PPHLN1: variants seen among roughly 807,000 people sequenced by gnomAD.
PPHLN1 encodes the protein periphilin-1.
A neutral mutation model predicts 51.3 loss-of-function variants in PPHLN1; 29 were observed. That is an observed-to-expected ratio of 0.57 (90% CI 0.42 to 0.77). The LOEUF is 0.77. Among genes scored for constraint, PPHLN1 ranks in the 30% least tolerant of loss-of-function variants. The pLI is 0.00. For synonymous variants in PPHLN1, 147 were observed against 147.8 expected, an observed-to-expected ratio of 0.99 and a Z score of 0.04; for missense variants, 436 against 438.4, an observed-to-expected ratio of 0.99 and a Z score of 0.05.
downstream of PPHLN1, chr12:42,446,509 C>G: frequency 6.5e-7 from 1 of 1,529,242 alleles, no homozygotes; most frequent in Non-Finnish European, 8.9e-7. Context: ...AGAAAGACCC[C>G]CACTCCTGGG....
At chr12:42,442,736 CAGTCAGTAAGT>C (rs1172002666), downstream of PPHLN1, 1 of 1,613,418 alleles carries the variant, frequency 6.2e-7, no homozygotes, top group East Asian at 2.2e-5. Context: ...AGAGACTGCG[CAGTCAGTAAGT>C]CATTGGTGCC....
chr12:42,351,747 A>C, intron 2 of PPHLN1, 138 bp from the exon 3 acceptor site: 1 of 578,018 alleles, frequency 1.7e-6, no homozygotes, highest in Non-Finnish European at 2.7e-6. Context: ...AGTTATATTT[A>C]TGTTATTTCA....
At chr12:42,425,161 A>G (rs1291106767) in intron 9 of PPHLN1, among the ~76,000 whole-genome samples, 1 of 149,938 alleles carries the variant, frequency 6.7e-6, no homozygotes, top group Non-Finnish European at 1.5e-5. Context: ...GCTCACTGCA[A>G]CCTCCCCCTC....
intron 8 of PPHLN1, 61 bp downstream of exon 8, chr12:42,393,750 T>A: frequency 6.7e-7 from 1 of 1,483,818 alleles, no homozygotes; most frequent in Non-Finnish European, 9.0e-7. Flanking sequence ...TTTTAAATTA[T>A]GGGCGAAAAA....
At chr12:42,386,036 G>A (rs922684327) in intron 6 of PPHLN1, among the ~76,000 whole-genome samples, 1 of 152,218 alleles carries the variant, frequency 6.6e-6, no homozygotes, top group African/African-American at 2.4e-5. Context: ...TAGGGTGAAA[G>A]CCTCTTGTAG....
intron 8 of PPHLN1, among the ~76,000 whole-genome samples, chr12:42,395,804 C>T (rs2078148967): frequency 6.6e-6 from 1 of 152,064 alleles, no homozygotes; most frequent in Admixed American, 6.6e-5. Flanking sequence ...GTGTAAATTT[C>T]ATTATTATGA....
intron 9 of PPHLN1, among the ~76,000 whole-genome samples, chr12:42,427,317 T>C (rs1012255923): frequency 7.9e-5 from 12 of 152,162 alleles, no homozygotes; most frequent in African/African-American, 2.7e-4. Context: ...AATTTTGCCT[T>C]TTTAAGCAAA....
intron 2 of PPHLN1, among the ~76,000 whole-genome samples, chr12:42,347,874 G>A (rs7302138): frequency 2.6e-5 from 4 of 152,068 alleles, no homozygotes; most frequent in Admixed American, 1.3e-4. Flanking sequence ...GATAAGACAC[G>A]AACGCTTTAA....
chr12:42,391,384 G>A (rs531874314), intron 7 of PPHLN1, among the ~76,000 whole-genome samples: 1 of 152,024 alleles, frequency 6.6e-6, no homozygotes, highest in South Asian at 2.1e-4. Flanking sequence ...GATTACAGGC[G>A]CCTGCCACCA....
chr12:42,392,972 G>T (rs1418188436), intron 7 of PPHLN1, among the ~76,000 whole-genome samples: 2 of 152,152 alleles, frequency 1.3e-5, no homozygotes, highest in African/African-American at 4.8e-5. Context: ...CATCTACCTA[G>T]CAAGTCATTA....
At chr12:42,347,592 C>T (rs887647918) in intron 2 of PPHLN1, among the ~76,000 whole-genome samples, 4 of 152,110 alleles carry the variant, frequency 2.6e-5, no homozygotes, top group Admixed American at 6.6e-5. Context: ...CCAGCCTGAC[C>T]AGTACGGTGA....
intron 5 of PPHLN1, among the ~76,000 whole-genome samples, chr12:42,379,715 GA>G (rs1001951170): frequency 6.7e-6 from 1 of 149,868 alleles, no homozygotes; most frequent in East Asian, 1.9e-4. Flanking sequence ...TTAATGCATT[GA>G]AAAAAAAACT....
intron 2 of PPHLN1, among the ~76,000 whole-genome samples, chr12:42,343,119 C>T (rs1330570962): frequency 6.6e-6 from 1 of 152,160 alleles, no homozygotes; most frequent in Non-Finnish European, 1.5e-5. Context: ...ACTTGACAGT[C>T]AGGTCTACTT....
intron 4 of PPHLN1, 41 bp from the exon 5 acceptor site, chr12:42,374,822 G>A: frequency 1.4e-6 from 2 of 1,458,226 alleles, no homozygotes; most frequent in African/African-American, 1.5e-5. Context: ...ATAGAGGATA[G>A]AGTATAATTA....
intron 9 of PPHLN1, among the ~76,000 whole-genome samples, chr12:42,417,943 G>GTTTTTTTTTTTTTTTTTTTTTTTT (rs371302578): frequency 7.9e-5 from 7 of 88,410 alleles, no homozygotes; most frequent in Non-Finnish European, 1.5e-4. Flanking sequence ...TTTTTTTTTT[G>GTTTTTTTTTTTTTTTTTTTTTTTT]TTTTTTTTTT....
intron 5 of PPHLN1, among the ~76,000 whole-genome samples, chr12:42,379,844 A>G (rs2076612286): frequency 1.3e-5 from 2 of 152,154 alleles, no homozygotes; most frequent in East Asian, 1.9e-4. Flanking sequence ...ATTATCTGCA[A>G]ATTAAGTATG....
intron 5 of PPHLN1, among the ~76,000 whole-genome samples, chr12:42,375,723 C>T (rs768485162): frequency 2.0e-5 from 3 of 151,868 alleles, no homozygotes; most frequent in Admixed American, 6.6e-5. Context: ...ATGCCTGAAC[C>T]TACATGACAT....
Position 42,351,920 on chromosome 12 carries a change from G to A in PPHLN1, c.108G>A (p.Lys36=). Residue 36 remains lysine, a synonymous_variant, in exon 3 of 10, where the codon AAG becomes AAA. Coordinates refer to ENST00000358314, the MANE Select transcript of PPHLN1 (RefSeq NM_201439.2). ...ATAGACTAGTTAATATTGTGCCAAA[G>A]AAACCACCACTGCTAGACAGACCTG... ...GYNRLVNIVP[K]KPPLLDRPGE... is the part of the protein sequence containing the mutation. 6.3e-7 allele frequency: 1 copy of A among 1,580,628 alleles called. No individual in the cohort carries two copies.
At chr12:42,350,888 G>A (rs1183651497) in intron 2 of PPHLN1, among the ~76,000 whole-genome samples, 1 of 152,086 alleles carries the variant, frequency 6.6e-6, no homozygotes, top group Admixed American at 6.5e-5. Flanking sequence ...CAGGCAGGGA[G>A]AGGTTGCAGT....
Sources: allele counts gnomAD v4.1 joint callset (sites outside exome capture counted in the v4.1 genomes callset), GRCh38; gene constraint gnomAD v4.1.1; transcripts MANE v1.5; gene names NCBI Gene and HGNC (gene_info 2026-07-23, HGNC 2026-07-21).